The following STK32B variants were observed in gnomAD, a reference collection of about 807,000 sequenced individuals.
The protein encoded by STK32B is serine/threonine-protein kinase 32B.
A neutral mutation model predicts 52.6 loss-of-function variants in STK32B; 43 were observed. The observed-to-expected ratio is 0.82, with a 90% CI of 0.64 to 1.05. The LOEUF is 1.05. Among genes scored for constraint, STK32B ranks in the 50% least tolerant of loss-of-function variants. The pLI is 0.00. For missense variants in STK32B, 621 were observed against 534.6 expected (o/e 1.16, Z -1.59); for synonymous variants, 238 against 204.3 (o/e 1.17, Z -1.41).
intron 3 of STK32B, among the ~76,000 whole-genome samples, chr4:5,171,783 C>T (rs1719391949): frequency 6.7e-6 from 1 of 148,704 alleles, no homozygotes; most frequent in Non-Finnish European, 1.5e-5. Flanking sequence ...ATTGACTTGG[C>T]AATGTGGGCT....
intron 2 of STK32B, among the ~76,000 whole-genome samples, chr4:5,158,388 C>G (rs2108718203): frequency 6.6e-6 from 1 of 152,244 alleles, no homozygotes; most frequent in East Asian, 1.9e-4. Flanking sequence ...CAGGGGCATT[C>G]ACTTATTTTT....
At chr4:5,091,057 A>C (rs1375365244) in intron 1 of STK32B, among the ~76,000 whole-genome samples, 1 of 152,210 alleles carries the variant, frequency 6.6e-6, no homozygotes, top group Admixed American at 6.5e-5. Flanking sequence ...GAAAATTAAC[A>C]CCAATCGTTC....
chr4:5,175,264 C>T (rs1001768661), intron 3 of STK32B, among the ~76,000 whole-genome samples: 17 of 152,062 alleles, frequency 1.1e-4, no homozygotes, highest in African/African-American at 2.9e-4. Flanking sequence ...ACCTTCAGCT[C>T]GGAGTAGTTT....
At chr4:5,043,469 C>A in the STK32B span, among the ~76,000 whole-genome samples, 2 of 152,164 alleles carry the variant, frequency 1.3e-5, no homozygotes, top group African/African-American at 4.8e-5. Context: ...GTCTCATAGT[C>A]CTTGCAACAA....
chr4:5,051,442 C>G (rs532268886), upstream of STK32B: 1 of 203,722 alleles, frequency 4.9e-6, no homozygotes, highest in Admixed American at 6.2e-5. Flanking sequence ...CCGCCGCCCA[C>G]TGCGTGCTGC....
chr4:5,134,181 T>G (rs1460523406), intron 1 of STK32B, among the ~76,000 whole-genome samples: 2 of 152,314 alleles, frequency 1.3e-5, no homozygotes, highest in African/African-American at 4.8e-5. Context: ...GGCCCAGATT[T>G]TTTTGGCAAA....
intron 3 of STK32B, among the ~76,000 whole-genome samples, chr4:5,220,937 G>A (rs1309272515): frequency 5.3e-5 from 8 of 152,296 alleles, no homozygotes; most frequent in East Asian, 1.9e-4. Flanking sequence ...GGAACTTACT[G>A]GGGAAAGTTG....
intron 3 of STK32B, among the ~76,000 whole-genome samples, chr4:5,225,333 G>C (rs930783701): frequency 1.3e-5 from 2 of 152,094 alleles, no homozygotes; most frequent in African/African-American, 4.8e-5. Flanking sequence ...TTTGAACCCA[G>C]GAGGCGGAGG....
intron 6 of STK32B, among the ~76,000 whole-genome samples, chr4:5,445,417 CA>C (rs1715307136): frequency 6.6e-6 from 1 of 152,102 alleles, no homozygotes; most frequent in Non-Finnish European, 1.5e-5. Context: ...CTTATGCCTG[CA>C]AATTAATTTA....
rs1332346216 is a variant in STK32B at position 5,453,975 on chromosome 4, T to TCCTTTC, written c.667-2829_667-2828insTTCCCT. Among the ~76,000 whole-genome samples, 86 of 149,528 alleles carry TCCTTTC rather than the reference T, an allele frequency of 5.8e-4. No individual in the cohort carries two copies. In the East Asian group the frequency reaches 0.015, roughly 27 times the overall value. Reference sequence around the variant, plus strand: ...CAGTGGTAGCCCTGAGCTCTGGGTCTCCTGTCCCTGCCCCTGTGGAAATTA... The same window carrying TCCTTTC: ...CAGTGGTAGCCCTGAGCTCTGGGTCTCCTTTCCCTGTCCCTGCCCCTGTGGAAATTA... On this transcript the variant is annotated intron_variant, in intron 7 of 11. Coordinates refer to ENST00000282908, the MANE Select transcript of STK32B (RefSeq NM_018401.3). This position sits in a 1 kb window ranked among gnomAD's most constrained non-coding sequence, Gnocchi z 4.0.
chr4:5,376,427 C>G (rs1463522085), intron 4 of STK32B, among the ~76,000 whole-genome samples: 1 of 151,936 alleles, frequency 6.6e-6, no homozygotes, highest in African/African-American at 2.4e-5. Flanking sequence ...CCCCTGCCCC[C>G]CTCTCTCCCT....
chr4:5,242,264 C>T (rs1725087710), intron 3 of STK32B, among the ~76,000 whole-genome samples: 1 of 152,158 alleles, frequency 6.6e-6, no homozygotes, highest in Non-Finnish European at 1.5e-5. Context: ...TTAATGATCG[C>T]CATTCTAACT....
intron 3 of STK32B, among the ~76,000 whole-genome samples, chr4:5,173,422 C>G (rs982391974): frequency 5.6e-4 from 85 of 152,050 alleles, no homozygotes; most frequent in Non-Finnish European, 1.1e-3. Flanking sequence ...ATCTTTCCTG[C>G]TTTCTCTTGT....
rs553335712 is a variant in STK32B at position 5,076,181 on chromosome 4, G to T, written c.52+24266G>T. 3.0e-4 allele frequency among the ~76,000 whole-genome samples: 46 copies of T among 152,306 alleles called. 1 individual carries two copies. The South Asian group carries it at 4.1e-3, about 14-fold the overall frequency. ...GAACCCAAAGTCAAAAGTTGGGGAA[G>T]CATACTGTGCTGACGAAGAGTCGAT... On this transcript the variant is annotated intron_variant, in intron 1 of 11. Coordinates refer to ENST00000282908, the MANE Select transcript of STK32B (RefSeq NM_018401.3).
intron 3 of STK32B, among the ~76,000 whole-genome samples, chr4:5,179,348 A>G (rs906693190): frequency 1.3e-5 from 2 of 152,196 alleles, no homozygotes; most frequent in Admixed American, 6.5e-5. Context: ...ATAATTCAAG[A>G]TGAGATTTGG....
chr4:5,172,633 C>T (rs1379460895), intron 3 of STK32B, among the ~76,000 whole-genome samples: 2 of 150,276 alleles, frequency 1.3e-5, no homozygotes, highest in Admixed American at 6.8e-5. Flanking sequence ...ATATGTTGAA[C>T]TAGCCTTGCA....
At chr4:5,152,358 C>T (rs1717438632) in intron 2 of STK32B, among the ~76,000 whole-genome samples, 1 of 152,066 alleles carries the variant, frequency 6.6e-6, no homozygotes, top group Non-Finnish European at 1.5e-5. Context: ...AACCTGGACA[C>T]ATCACTAGCC....
chr4:5,210,527 T>G (rs1268153620), intron 3 of STK32B, among the ~76,000 whole-genome samples: 1 of 152,210 alleles, frequency 6.6e-6, no homozygotes, highest in East Asian at 1.9e-4. Context: ...ACTGTTGTAC[T>G]TTGTGTCCTC....
At chr4:5,498,912 G>T in intron 11 of STK32B, 33 bp from the exon 12 acceptor site, 1 of 1,588,234 alleles carries the variant, frequency 6.3e-7, no homozygotes. Context: ...ACCCCATGCC[G>T]CACCACTAAC....
Sources: gnomAD v4.1 joint callset for allele counts (sites outside exome capture counted in the v4.1 genomes callset) on GRCh38, gnomAD v4.1.1 for gene constraint, Gnocchi (gnomAD v3.1) non-coding constraint, MANE v1.5 for transcripts, NCBI Gene and HGNC (gene_info 2026-07-23, HGNC 2026-07-21) for gene names.